ATXN1: variants seen among roughly 807,000 people sequenced by gnomAD.
ATXN1 encodes the protein ataxin-1.
Under a neutral mutation model 56.4 loss-of-function variants are expected in ATXN1, and 8 were observed. The observed-to-expected ratio is 0.14, with a 90% CI of 0.08 to 0.26. The LOEUF (loss-of-function observed/expected upper bound fraction) is 0.26, where lower values mean the gene tolerates loss of function less well. ATXN1 is among the 10% of genes least tolerant of loss of function. The pLI is 1.00. For missense variants in ATXN1, 987 were observed against 1,106.5 expected, an observed-to-expected ratio of 0.89 and a Z score of 1.53; for synonymous variants, 514 against 494.6, an observed-to-expected ratio of 1.04 and a Z score of -0.52.
rs936195164 is a variant in ATXN1 at position 16,654,360 on chromosome 6, A to G, written c.-489+3416T>C. Among the ~76,000 whole-genome samples the G allele has an allele frequency of 2.0e-5, 3 of 152,142 alleles. No individual in the cohort carries two copies. The East Asian group carries it at 5.8e-4, about 29-fold the overall frequency. On this transcript the variant is annotated intron_variant, in intron 3 of 7. Coordinates refer to ENST00000436367, the MANE Select transcript of ATXN1 (RefSeq NM_001128164.2). Reference sequence around the variant, plus strand: ...AGAGATCAAGACCATCCTGGCCAACATGGTGAAACCCCATTTCTACTAAAA... The same window carrying G: ...AGAGATCAAGACCATCCTGGCCAACGTGGTGAAACCCCATTTCTACTAAAA...
intron 4 of ATXN1, among the ~76,000 whole-genome samples, chr6:16,576,777 T>G (rs192535826): frequency 9.2e-5 from 14 of 152,354 alleles, no homozygotes; most frequent in Middle Eastern, 6.8e-3. Flanking sequence ...TAAGCTCTTA[T>G]GCACACAGAG....
chr6:16,720,770 A>G (rs372651014), intron 2 of ATXN1, among the ~76,000 whole-genome samples: 2 of 152,352 alleles, frequency 1.3e-5, no homozygotes, highest in East Asian at 3.9e-4. Flanking sequence ...GAGCCTGAGT[A>G]AGTAATTACC....
intron 2 of ATXN1, among the ~76,000 whole-genome samples, chr6:16,685,315 C>A (rs988149742): frequency 1.3e-5 from 2 of 152,174 alleles, no homozygotes. Context: ...GACATCCTCA[C>A]GCCACCACCT....
intron 4 of ATXN1, among the ~76,000 whole-genome samples, chr6:16,542,234 C>T (rs1761728989): frequency 6.6e-6 from 1 of 152,162 alleles, no homozygotes; most frequent in Non-Finnish European, 1.5e-5. Context: ...GTTCTCTGCA[C>T]AGCCACACGG....
intron 4 of ATXN1, among the ~76,000 whole-genome samples, chr6:16,523,469 C>T (rs1239245084): frequency 6.6e-6 from 1 of 152,216 alleles, no homozygotes; most frequent in Non-Finnish European, 1.5e-5. Flanking sequence ...CCTTAGCCGC[C>T]AAGTAGCTGG....
intron 4 of ATXN1, among the ~76,000 whole-genome samples, chr6:16,559,523 A>G (rs1319695791): frequency 6.6e-6 from 1 of 152,230 alleles, no homozygotes; most frequent in Non-Finnish European, 1.5e-5. Context: ...GAAAAGAGGT[A>G]AAGGGCAGAA....
intron 3 of ATXN1, among the ~76,000 whole-genome samples, chr6:16,636,482 T>G (rs1581317224): frequency 6.6e-6 from 1 of 152,134 alleles, no homozygotes; most frequent in Admixed American, 6.5e-5. Flanking sequence ...ATGTCTTGAG[T>G]AGGACAAAGT....
intron 3 of ATXN1, among the ~76,000 whole-genome samples, chr6:16,592,370 G>C (rs1762738075): frequency 6.6e-6 from 1 of 152,120 alleles, no homozygotes; most frequent in African/African-American, 2.4e-5. Flanking sequence ...GTGAGGGCCT[G>C]GCTGCCTAAC....
At chr6:16,507,096 A>G (rs1257605356) in intron 5 of ATXN1, among the ~76,000 whole-genome samples, 1 of 152,216 alleles carries the variant, frequency 6.6e-6, no homozygotes, top group East Asian at 1.9e-4. Context: ...TTAGAATATG[A>G]TGGATTTCAA....
At chr6:16,623,276 AAT>A (rs2113803061) in intron 3 of ATXN1, among the ~76,000 whole-genome samples, 1 of 152,340 alleles carries the variant, frequency 6.6e-6, no homozygotes, top group African/African-American at 2.4e-5. Flanking sequence ...TTAACTGGAT[AAT>A]ACCTAACTGT....
Position 16,544,344 on chromosome 6 carries a change from T to C in ATXN1, c.-360-21656A>G, listed in dbSNP as rs553690724. Among the ~76,000 whole-genome samples, 10 of 152,258 alleles carry C rather than the reference T, an allele frequency of 6.6e-5. No homozygotes were observed. In the South Asian group the frequency reaches 2.1e-3, roughly 32 times the overall value. On this transcript the variant is annotated intron_variant, in intron 4 of 7. Coordinates refer to ENST00000436367, the MANE Select transcript of ATXN1 (RefSeq NM_001128164.2). ...ATCACACACAAGTTGGGGCTCTGCT[T>C]GGGGGACTCCGCCTCAAGGCCTCCC...
At chr6:16,529,212 T>G (rs918204178) in intron 4 of ATXN1, among the ~76,000 whole-genome samples, 6 of 150,508 alleles carry the variant, frequency 4.0e-5, no homozygotes, top group Non-Finnish European at 5.9e-5. Context: ...TTTTTTGTTT[T>G]TTTTTTTTTT....
At chr6:16,551,077 G>A (rs1467334114) in intron 4 of ATXN1, among the ~76,000 whole-genome samples, 1 of 152,154 alleles carries the variant, frequency 6.6e-6, no homozygotes, top group Non-Finnish European at 1.5e-5. Context: ...CATCCTTGGA[G>A]ACATAACACT....
At chr6:16,515,602 C>T (rs1001582855) in intron 5 of ATXN1, among the ~76,000 whole-genome samples, 8 of 152,210 alleles carry the variant, frequency 5.3e-5, no homozygotes, top group African/African-American at 1.9e-4. Flanking sequence ...TCTCCCTGTC[C>T]AAGGCAGTCT....
At chr6:16,569,696 GGTTA>G in intron 4 of ATXN1, among the ~76,000 whole-genome samples, 1 of 152,178 alleles carries the variant, frequency 6.6e-6, no homozygotes, top group East Asian at 1.9e-4. Context: ...GGCAGAAACT[GGTTA>G]GTTGTTGAAA....
chr6:16,397,166 G>T (rs774645470), intron 6 of ATXN1, among the ~76,000 whole-genome samples: 11 of 152,182 alleles, frequency 7.2e-5, no homozygotes, highest in Non-Finnish European at 1.6e-4. Flanking sequence ...TTTGAAATTA[G>T]TCACAGTGAG....
At chr6:16,683,338 T>G (rs1448276781) in intron 2 of ATXN1, among the ~76,000 whole-genome samples, 2 of 152,190 alleles carry the variant, frequency 1.3e-5, no homozygotes, top group African/African-American at 2.4e-5. Flanking sequence ...AGCTTCTCCA[T>G]GGACAGTGTT....
intron 5 of ATXN1, among the ~76,000 whole-genome samples, chr6:16,495,638 G>A (rs1760763843): frequency 6.6e-6 from 1 of 152,298 alleles, no homozygotes; most frequent in East Asian, 1.9e-4. Flanking sequence ...CAAGGCAGGT[G>A]GATCATTTGA....
At chr6:16,586,523 G>T (rs1762627213) in intron 3 of ATXN1, among the ~76,000 whole-genome samples, 2 of 152,122 alleles carry the variant, frequency 1.3e-5, no homozygotes, top group South Asian at 4.2e-4. Flanking sequence ...TACACACATT[G>T]CCCCACTCCA....
Sources: gnomAD v4.1 joint callset for allele counts (sites outside exome capture counted in the v4.1 genomes callset) on GRCh38, gnomAD v4.1.1 for gene constraint, MANE v1.5 for transcripts, NCBI Gene and HGNC (gene_info 2026-07-23, HGNC 2026-07-21) for gene names.